Variants in RS1 observed in about 807,000 individuals in gnomAD.
The protein encoded by RS1 is retinoschisin 1.
In RS1, 2 loss-of-function variants were observed where a neutral mutation model predicts 20.8. The observed-to-expected ratio is 0.10, with a 90% CI of 0.04 to 0.30. RS1 has a LOEUF of 0.30. Ranked by LOEUF, RS1 falls within the 10% of genes least tolerant of loss-of-function variation. RS1 has a pLI of 1.00. For missense variants in RS1, 151 were observed against 189.8 expected (o/e 0.80, Z 1.20); for synonymous variants, 70 against 75.8 (o/e 0.92, Z 0.40).
intron 1 of RS1, among the ~76,000 whole-genome samples, chrX:18,661,142 A>G (rs1256854533): frequency 8.9e-6 from 1 of 112,008 alleles, no homozygotes; most frequent in Non-Finnish European, 1.9e-5. Flanking sequence ...GTTGAAACCC[A>G]GTCACCAATG....
Position 18,640,908 on chromosome X carries a change from C to T in RS1, c.*1096G>A, listed in dbSNP as rs1310193020. ...TGAGGCCTCCCAATCTAAGGCGCCG[C>T]CTCCAGGAACGGAAAGCCAGGCCCA... is the stretch of plus-strand genomic sequence containing the variant. On this transcript the variant is annotated 3_prime_UTR_variant, in exon 6 of 6. Transcript: ENST00000379984. 1 of 113,052 alleles carries T rather than the reference C, an allele frequency of 8.8e-6. No homozygotes were observed. The highest frequency in any genetic ancestry group is 1.9e-5 in the Non-Finnish European group (1 of 53,323). 9.3% of individuals were successfully genotyped at this position (113,052 alleles called of 1,213,427 possible). A position where few individuals can be genotyped will look rare whatever the true frequency, so the allele number is the denominator to read the frequency against.
intron 5 of RS1, 25 bp from the exon 6 acceptor site, chrX:18,642,181 C>T (rs1385403920): frequency 1.7e-6 from 2 of 1,200,809 alleles, no homozygotes; most frequent in Non-Finnish European, 2.3e-6. Flanking sequence ...GAAATCCTGT[C>T]ACCATCACAT....
chrX:18,659,840 C>T lies in RS1; in HGVS notation c.53-2175G>A, dbSNP rs145260265. On this transcript the variant is annotated intron_variant, in intron 1 of 5. Coordinates refer to ENST00000379984, the MANE Select transcript of RS1 (RefSeq NM_000330.4). ...ATCGAATTCCTTTCACCTCTTCTTC[C>T]CTGAAGCAGGCCATCAAACCTAGGA... Among the ~76,000 whole-genome samples, 283 of 111,550 alleles carry T rather than the reference C, an allele frequency of 2.5e-3. 3 individuals are homozygous for T. In the East Asian group the frequency reaches 0.033, roughly 13 times the overall value.
At chrX:18,661,496 TC>T (rs1928307838) in intron 1 of RS1, among the ~76,000 whole-genome samples, 1 of 111,918 alleles carries the variant, frequency 8.9e-6, no homozygotes, top group Non-Finnish European at 1.9e-5. Context: ...TAGACTCGTC[TC>T]CCTGCCTTCT....
rs1332167784 is a variant in RS1, at chrX:18,640,771, CG to C, written c.*1232del. ...GCCAGAACAGTCTTTAGAGCAGCCT[CG>C]TCCTCTGATTCCACCACCTGCTCTC... On this transcript the variant is annotated 3_prime_UTR_variant, in exon 6 of 6. Transcript: ENST00000379984. 8.9e-6 allele frequency: 1 copy of C among 112,429 alleles called. No individual in the cohort carries two copies. The highest frequency in any genetic ancestry group is 1.9e-5 in the Non-Finnish European group (1 of 53,204). 9.3% of individuals were successfully genotyped at this position (112,429 alleles called of 1,213,427 possible).
chrX:18,640,804 C>T lies in RS1; in HGVS notation c.*1200G>A, dbSNP rs922190374. 5 of 112,426 alleles carry T rather than the reference C, an allele frequency of 4.4e-5. No homozygotes were observed. Among genetic ancestry groups the T allele is most frequent in the African/African-American group, 1.6e-4 (5 of 30,845 alleles). 9.3% of individuals were successfully genotyped at this position (112,426 alleles called of 1,213,427 possible). ...GATTCCACCACCTGCTCTCCATATC[C>T]CTCTCCTGCCCCTCCCCCGTGTTAA... On this transcript the variant is annotated 3_prime_UTR_variant, in exon 6 of 6. Coordinates refer to ENST00000379984, the MANE Select transcript of RS1 (RefSeq NM_000330.4).
chrX:18,659,271 C>T (rs905916618), intron 1 of RS1, among the ~76,000 whole-genome samples: 4 of 110,500 alleles, frequency 3.6e-5, no homozygotes, highest in Non-Finnish European at 5.7e-5. Context: ...GTCAGGAGTT[C>T]GAGACCAGCC....
At position 18,647,356 on chromosome X, in the gene RS1, A is replaced by G. The variant is rs1602312888; in HGVS notation, c.185-24T>C. 1.2e-5 allele frequency: 15 copies of G among 1,203,799 alleles called. No individual in the cohort carries two copies. In the East Asian group the frequency reaches 4.4e-4, roughly 36 times the overall value. On this transcript the variant is annotated intron_variant, in intron 3 of 5. Coordinates refer to ENST00000379984, the MANE Select transcript of RS1 (RefSeq NM_000330.4). The stretch of plus-strand genomic sequence containing the variant: ...TTCTGGGAAAGGAAAAAGAATTCAC[A>G]TTCACACATATCTCAATACTCAACA...
chrX:18,655,986 CTTTTTT>C (rs56213978), intron 3 of RS1, among the ~76,000 whole-genome samples: 7 of 50,825 alleles, frequency 1.4e-4, no homozygotes, highest in Non-Finnish European at 2.1e-4. Flanking sequence ...TTTTCTTTTC[CTTTTTT>C]TTTTTTTTTT....
intron 1 of RS1, among the ~76,000 whole-genome samples, chrX:18,670,543 G>T (rs1260138293): frequency 1.8e-5 from 2 of 110,902 alleles, no homozygotes; most frequent in Non-Finnish European, 3.8e-5. Flanking sequence ...CACAATGTTT[G>T]CCCCCTAGCA....
At position 18,640,427 on chromosome X, in the gene RS1, T is replaced by TCCCC. The variant is rs1300468144; in HGVS notation, c.*1573_*1576dup. The TCCCC allele has an allele frequency of 4.8e-4, 15 of 31,568 alleles. No homozygotes were observed. Among genetic ancestry groups the TCCCC allele is most frequent in the East Asian group, 1.2e-3 (1 of 845 alleles). The allele number at this position is 31,568 out of a possible 1,213,427, so 2.6% of individuals were successfully genotyped here. On this transcript the variant is annotated 3_prime_UTR_variant, in exon 6 of 6. Coordinates refer to ENST00000379984, the MANE Select transcript of RS1 (RefSeq NM_000330.4). ...CCTGTGTCCTAAGGCCAGGGATAAG[T>TCCCC]CCCCCCACCCCCCCCCCCCACCCCC...
intron 4 of RS1, chrX:18,645,969 C>T (rs764933914): frequency 2.8e-5 from 34 of 1,207,444 alleles, no homozygotes; most frequent in African/African-American, 1.8e-4. Context: ...GCAAGTCATG[C>T]GCACTCTGCT....
At chrX:18,671,043 C>T (rs1416845499) in intron 1 of RS1, among the ~76,000 whole-genome samples, 1 of 111,712 alleles carries the variant, frequency 9.0e-6, no homozygotes, top group Non-Finnish European at 1.9e-5. Context: ...CCTGTAGTCC[C>T]AGCTACTAGG....
intron 3 of RS1, among the ~76,000 whole-genome samples, chrX:18,655,498 C>T (rs1469651098): frequency 8.9e-6 from 1 of 111,750 alleles, no homozygotes; most frequent in Non-Finnish European, 1.9e-5. Context: ...AACAAATTGG[C>T]CTGGAAATTT....
chrX:18,668,027 C>A (rs1256446538), intron 1 of RS1, among the ~76,000 whole-genome samples: 1 of 112,128 alleles, frequency 8.9e-6, no homozygotes, highest in African/African-American at 3.2e-5. Context: ...ATGGCAAAAA[C>A]CGCAGTTACT....
Position 18,643,829 on chromosome X carries a change from A to AATATATATATATATATATAT in RS1, c.522+600_522+601insATATATATATATATATATAT, listed in dbSNP as rs755520723. ...TTTTAATTCATTTTTATTCATAGCA[A>AATATATATATATATATATAT]ATATATATATATATATATAGTCAGG... On this transcript the variant is annotated intron_variant, in intron 5 of 5. Transcript: ENST00000379984. Among the ~76,000 whole-genome samples the AATATATATATATATATATAT allele has an allele frequency of 1.2e-3, 126 of 105,878 alleles. 1 individual carries two copies. The Middle Eastern group carries it at 0.02, about 17-fold the overall frequency. The allele number at this position is 105,878 out of a possible 115,157, so 91.9% of individuals were successfully genotyped here.
At chrX:18,650,730 G>T in intron 3 of RS1, 1 of 738,306 alleles carries the variant, frequency 1.4e-6, no homozygotes, top group Non-Finnish European at 2.0e-6. Context: ...GGACAAAGCT[G>T]CAGGTGATTG....
chrX:18,642,107 C>T lies in RS1; in HGVS notation c.572G>A (p.Arg191Gln), dbSNP rs1402116265. ...DRTSTVQNLL[R>Q]PPIISRFIRL... ...GATGAAGCGGGAGATGATGGGGGGC[C>T]GCAGCAGGTTCTGAACCGTGGAGGT... is the stretch of plus-strand genomic sequence containing the variant. The change falls in exon 6 of 6, where the codon CGG (arginine) becomes CAG (glutamine). Residue 191 changes from arginine (R) to glutamine (Q), a missense_variant. Transcript: ENST00000379984. 12 of 1,210,961 alleles carry T rather than the reference C, an allele frequency of 9.9e-6. No homozygotes were observed. The East Asian group carries it at 1.8e-4, about 18-fold the overall frequency.
chrX:18,657,528 A>G, intron 2 of RS1, 112 bp downstream of exon 2: 1 of 649,066 alleles, frequency 1.5e-6, no homozygotes, highest in Admixed American at 2.3e-5. Flanking sequence ...CAGCCAAAAT[A>G]TATTTCAAAA....
Sources: allele counts gnomAD v4.1 joint callset (sites outside exome capture counted in the v4.1 genomes callset), GRCh38; gene constraint gnomAD v4.1.1; transcripts MANE v1.5; gene names NCBI Gene and HGNC (gene_info 2026-07-23, HGNC 2026-07-21).